The following CLPB variants were observed in gnomAD, a reference collection of about 807,000 sequenced individuals.
CLPB encodes the protein mitochondrial disaggregase.
In CLPB, 40 loss-of-function variants were observed where a neutral mutation model predicts 78.4. The ratio of observed to expected loss-of-function variants is 0.51; its 90% CI spans 0.40 to 0.66. The LOEUF is 0.66. CLPB is among the 30% of genes least tolerant of loss of function. The pLI is 0.00. For synonymous variants in CLPB, 333 were observed against 348.0 expected (o/e 0.96, Z 0.48); for missense variants, 780 against 886.9 (o/e 0.88, Z 1.53).
Position 72,430,433 on chromosome 11 carries a change from C to T in CLPB, c.404-70G>A, listed in dbSNP as rs1366784662. On this transcript the variant is annotated intron_variant, in intron 1 of 15. Transcript: ENST00000538039. The stretch of plus-strand genomic sequence containing the variant: ...CCCATCTCAGGACTGCGTGGAGGGC[C>T]CACTAAGACAGTGGCAGTACTTTAG... The T allele has an allele frequency of 5.8e-6, 8 of 1,389,084 alleles. No homozygotes were observed. In the East Asian group the frequency reaches 1.9e-4, roughly 32 times the overall value. 86.0% of individuals were successfully genotyped at this position (1,389,084 alleles called of 1,614,324 possible). A position where few individuals can be genotyped will look rare whatever the true frequency, so the allele number is the denominator to read the frequency against.
chr11:72,320,887 A>G (rs1320400821), intron 6 of CLPB, among the ~76,000 whole-genome samples: 3 of 151,872 alleles, frequency 2.0e-5, no homozygotes, highest in African/African-American at 4.8e-5. Flanking sequence ...TAGTTTTTAT[A>G]TTTTTAGTAG....
chr11:72,412,754 T>C (rs920201993), intron 2 of CLPB, among the ~76,000 whole-genome samples: 3 of 152,176 alleles, frequency 2.0e-5, no homozygotes, highest in African/African-American at 4.8e-5. Flanking sequence ...TTAGTTGCTA[T>C]TATTACACTT....
At chr11:72,399,937 A>C (rs1018568418) in intron 3 of CLPB, among the ~76,000 whole-genome samples, 6 of 152,230 alleles carry the variant, frequency 3.9e-5, no homozygotes, top group Non-Finnish European at 1.5e-5. Context: ...TAATCCTCCA[A>C]GACTACTCAC....
chr11:72,368,478 C>T (rs1174070035), intron 4 of CLPB, among the ~76,000 whole-genome samples: 2 of 152,198 alleles, frequency 1.3e-5, no homozygotes, highest in African/African-American at 2.4e-5. Flanking sequence ...CTCTTTTTCT[C>T]TAAGTGATTA....
chr11:72,394,472 T>C (rs1488638570), intron 3 of CLPB, among the ~76,000 whole-genome samples: 1 of 152,126 alleles, frequency 6.6e-6, no homozygotes, highest in East Asian at 1.9e-4. Flanking sequence ...CCACTCTCCA[T>C]GAAGACAGCA....
chr11:72,314,456 G>C (rs534112623), intron 7 of CLPB, among the ~76,000 whole-genome samples: 3 of 152,210 alleles, frequency 2.0e-5, no homozygotes, highest in Admixed American at 2.0e-4. Flanking sequence ...GGCTACTAGA[G>C]AGCAGGTGTT....
intron 11 of CLPB, among the ~76,000 whole-genome samples, chr11:72,297,700 T>C (rs543571383): frequency 1.1e-4 from 13 of 122,024 alleles, no homozygotes; most frequent in South Asian, 2.6e-4. Context: ...TGTGTGTGTG[T>C]GTGACATGTC....
chr11:72,395,147 T>G (rs1169703087), intron 3 of CLPB, among the ~76,000 whole-genome samples: 1 of 152,218 alleles, frequency 6.6e-6, no homozygotes, highest in Non-Finnish European at 1.5e-5. Context: ...TGTGTTCTTC[T>G]CTGTGGCACT....
chr11:72,382,415 A>G (rs950448901), intron 3 of CLPB, among the ~76,000 whole-genome samples: 1 of 152,182 alleles, frequency 6.6e-6, no homozygotes, highest in Non-Finnish European at 1.5e-5. Flanking sequence ...CCAATGACTA[A>G]CCATTCCCTG....
chr11:72,359,365 C>T (rs144870087), intron 4 of CLPB, among the ~76,000 whole-genome samples: 96 of 152,228 alleles, frequency 6.3e-4, no homozygotes, highest in Middle Eastern at 3.4e-3. Flanking sequence ...TATACCAGAA[C>T]GCCAGAAGAG....
intron 6 of CLPB, among the ~76,000 whole-genome samples, chr11:72,324,456 C>T (rs1468075647): frequency 6.6e-6 from 1 of 151,962 alleles, no homozygotes; most frequent in Non-Finnish European, 1.5e-5. Context: ...ATTCCAGCTA[C>T]TGGGGAGGCT....
chr11:72,293,466 G>A lies in CLPB; in HGVS notation c.1935C>T (p.Leu645=), dbSNP rs138717332. ...CGATGATCTCCAGACGCAGCTTGGGGAGGCGCTTCTCAGCCTGGGGTGAGG... is the reference window on the plus strand; with the variant it reads ...CGATGATCTCCAGACGCAGCTTGGGAAGGCGCTTCTCAGCCTGGGGTGAGG... ...ELPSPQAEKR[L]PKLRLEIIDK... is the part of the protein sequence containing the mutation. Residue 645 remains leucine (L), a synonymous_variant, in exon 16 of 16, where the codon CTC becomes CTT. Transcript: ENST00000538039. 213 of 1,614,164 alleles carry A rather than the reference G, an allele frequency of 1.3e-4. No individual in the cohort carries two copies. The African/African-American group carries it at 2.7e-3, about 20-fold the overall frequency.
chr11:72,319,922 G>A (rs749416795), intron 6 of CLPB, among the ~76,000 whole-genome samples: 3 of 152,176 alleles, frequency 2.0e-5, no homozygotes, highest in African/African-American at 7.2e-5. Context: ...AATTGTGGGT[G>A]GAATTCCACA....
chr11:72,401,269 C>T (rs1025280072), intron 3 of CLPB, among the ~76,000 whole-genome samples: 3 of 152,056 alleles, frequency 2.0e-5, no homozygotes, highest in Admixed American at 2.0e-4. Context: ...GAAACCCCAT[C>T]TCTACTAAAA....
intron 10 of CLPB, 54 bp from the exon 11 acceptor site, chr11:72,302,018 A>C: frequency 6.3e-7 from 1 of 1,585,532 alleles, no homozygotes; most frequent in Non-Finnish European, 8.6e-7. Context: ...TTTAGTTTCC[A>C]ACATGGGGCA....
At chr11:72,408,483 C>T (rs749597832) in intron 2 of CLPB, among the ~76,000 whole-genome samples, 3 of 151,752 alleles carry the variant, frequency 2.0e-5, no homozygotes, top group Non-Finnish European at 2.9e-5. Flanking sequence ...CTGGCTGACA[C>T]GGTGAAACCC....
chr11:72,358,801 T>TTCCCC, intron 5 of CLPB, 79 bp downstream of exon 5: 1 of 102,144 alleles, frequency 9.8e-6, no homozygotes, highest in Non-Finnish European at 1.9e-5. Context: ...CCAAGCCCCA[T>TTCCCC]CCCACCCCTC....
chr11:72,369,971 T>G (rs1029888475), intron 4 of CLPB, among the ~76,000 whole-genome samples: 8 of 152,208 alleles, frequency 5.3e-5, no homozygotes, highest in African/African-American at 1.9e-4. Context: ...GACCGTCATC[T>G]GTAAAAAATG....
At chr11:72,375,886 T>C (rs1307299193) in intron 4 of CLPB, among the ~76,000 whole-genome samples, 1 of 152,244 alleles carries the variant, frequency 6.6e-6, no homozygotes, top group Non-Finnish European at 1.5e-5. Context: ...TATCTCTTGA[T>C]ATTCACAACA....
Sources: allele counts gnomAD v4.1 joint callset (sites outside exome capture counted in the v4.1 genomes callset), GRCh38; gene constraint gnomAD v4.1.1; transcripts MANE v1.5; gene names NCBI Gene and HGNC (gene_info 2026-07-23, HGNC 2026-07-21).